Variants in SGCD observed in about 807,000 individuals in gnomAD.
SGCD encodes sarcoglycan delta.
SGCD carries 18 observed loss-of-function variants against 36.6 expected under a neutral mutation model. The observed-to-expected ratio is 0.49, with a 90% confidence interval of 0.34 to 0.73. SGCD has a LOEUF of 0.73. SGCD is among the 30% of genes least tolerant of loss of function. The pLI is 0.01. For missense variants in SGCD, 387 were observed against 346.7 expected (o/e 1.12, Z -0.92); for synonymous variants, 133 against 130.6 (o/e 1.02, Z -0.12).
chr5:156,703,547 T>G (rs1754613828), intron 7 of SGCD, among the ~76,000 whole-genome samples: 2 of 152,162 alleles, frequency 1.3e-5, no homozygotes, highest in South Asian at 2.1e-4. Flanking sequence ...GAAAACTGAT[T>G]GAAATAAAGG....
At chr5:155,817,672 G>A in the SGCD span, among the ~76,000 whole-genome samples, 2 of 151,998 alleles carry the variant, frequency 1.3e-5, no homozygotes, top group African/African-American at 4.8e-5. Context: ...AGGACCAATG[G>A]AAAATATTCA....
chr5:156,027,668 A>T (rs953917324), intron 1 of SGCD, among the ~76,000 whole-genome samples: 2 of 152,198 alleles, frequency 1.3e-5, no homozygotes, highest in African/African-American at 4.8e-5. Context: ...AAAAGAATGA[A>T]TGATCTAATG....
chr5:156,009,850 A>G (rs1758825434), intron 1 of SGCD, among the ~76,000 whole-genome samples: 1 of 152,180 alleles, frequency 6.6e-6, no homozygotes, highest in Non-Finnish European at 1.5e-5. Flanking sequence ...GTCTATATTG[A>G]TAATCCACTA....
chr5:156,084,549 T>C (rs76890297), intron 1 of SGCD, among the ~76,000 whole-genome samples: 3,068 of 152,074 alleles, frequency 0.02, 45 homozygotes, highest in Non-Finnish European at 0.034. Context: ...GTTTATCTTA[T>C]AATCTGTGAA....
At chr5:156,641,918 T>C (rs1424725599) in intron 6 of SGCD, among the ~76,000 whole-genome samples, 6 of 152,212 alleles carry the variant, frequency 3.9e-5, no homozygotes, top group Non-Finnish European at 8.8e-5. Context: ...GTCTTTTCCA[T>C]GACATAATGT....
chr5:155,731,700 A>G, the SGCD span, among the ~76,000 whole-genome samples: 1 of 152,182 alleles, frequency 6.6e-6, no homozygotes, highest in African/African-American at 2.4e-5. Flanking sequence ...CTCACTGACA[A>G]TATTTGCCAA....
the SGCD span, among the ~76,000 whole-genome samples, chr5:155,777,220 A>G: frequency 2.6e-4 from 40 of 152,312 alleles, no homozygotes; most frequent in South Asian, 1.9e-3. Context: ...ATACTTCATC[A>G]AAGTTGTAAA....
At chr5:155,837,188 CA>C in the SGCD span, among the ~76,000 whole-genome samples, 11 of 152,020 alleles carry the variant, frequency 7.2e-5, no homozygotes, top group African/African-American at 2.4e-4. Flanking sequence ...GACAGAGACT[CA>C]CTGGGTTGCC....
At chr5:156,480,069 T>C (rs559714742) in intron 3 of SGCD, among the ~76,000 whole-genome samples, 1 of 152,318 alleles carries the variant, frequency 6.6e-6, no homozygotes, top group Admixed American at 6.5e-5. Flanking sequence ...GCAAGGCAAG[T>C]TGCTGTCACA....
At chr5:156,017,412 G>A (rs529108305) in intron 1 of SGCD, among the ~76,000 whole-genome samples, 1 of 151,964 alleles carries the variant, frequency 6.6e-6, no homozygotes, top group Admixed American at 6.6e-5. Context: ...AAACTTTTAT[G>A]TTTACCTAGG....
chr5:155,929,416 C>A (rs1757057618), intron 1 of SGCD, among the ~76,000 whole-genome samples: 1 of 152,186 alleles, frequency 6.6e-6, no homozygotes, highest in African/African-American at 2.4e-5. Flanking sequence ...CATATTATTT[C>A]TCACAGACTT....
At chr5:156,332,635 A>G (rs1325079507) in intron 2 of SGCD, among the ~76,000 whole-genome samples, 1 of 152,254 alleles carries the variant, frequency 6.6e-6, no homozygotes, top group African/African-American at 2.4e-5. Flanking sequence ...ATTCTCTCAG[A>G]GAACACTGTT....
the SGCD span, among the ~76,000 whole-genome samples, chr5:155,770,341 A>G: frequency 6.6e-6 from 1 of 151,952 alleles, no homozygotes; most frequent in Non-Finnish European, 1.5e-5. Context: ...TGAAGAGCAT[A>G]AAGGAGCCAG....
intron 3 of SGCD, among the ~76,000 whole-genome samples, chr5:156,445,423 A>G (rs2127800440): frequency 6.6e-6 from 1 of 152,270 alleles, no homozygotes; most frequent in Non-Finnish European, 1.5e-5. Flanking sequence ...ATTTAATTTG[A>G]GGATGAGGAA....
At chr5:156,423,133 ATAAT>A (rs1179133700) in intron 3 of SGCD, among the ~76,000 whole-genome samples, 1 of 128,206 alleles carries the variant, frequency 7.8e-6, no homozygotes, top group African/African-American at 3.0e-5. Context: ...TAATTAATTA[ATAAT>A]TAATATTTAA....
intron 1 of SGCD, among the ~76,000 whole-genome samples, chr5:156,027,633 A>G (rs1428419753): frequency 6.6e-6 from 1 of 152,136 alleles, no homozygotes; most frequent in Non-Finnish European, 1.5e-5. Flanking sequence ...TAGGTACTCA[A>G]TATGCTGACT....
chr5:156,272,034 G>A (rs377118191), intron 3 of SGCD, among the ~76,000 whole-genome samples: 51 of 152,196 alleles, frequency 3.4e-4, no homozygotes, highest in African/African-American at 1.2e-3. Flanking sequence ...TATTTCAATA[G>A]TTTTGGGATA....
intron 1 of SGCD, among the ~76,000 whole-genome samples, chr5:155,884,535 G>A (rs557833284): frequency 6.6e-6 from 1 of 152,324 alleles, no homozygotes; most frequent in African/African-American, 2.4e-5. Context: ...TATGCCTTAT[G>A]TCTGGGTAAA....
chr5:156,265,262 C>G (rs1288510047), intron 3 of SGCD, among the ~76,000 whole-genome samples: 1 of 152,114 alleles, frequency 6.6e-6, no homozygotes, highest in Non-Finnish European at 1.5e-5. Flanking sequence ...GCTCTGCCCC[C>G]CTAGTCTTTG....
Sources: gnomAD v4.1 joint callset for allele counts (sites outside exome capture counted in the v4.1 genomes callset) on GRCh38, gnomAD v4.1.1 for gene constraint, MANE v1.5 for transcripts, NCBI Gene and HGNC (gene_info 2026-07-23, HGNC 2026-07-21) for gene names.